CNNM1: variants seen among roughly 807,000 people sequenced by gnomAD.
CNNM1 encodes the protein cyclin and CBS domain divalent metal cation transport mediator 1.
A neutral mutation model predicts 78.8 loss-of-function variants in CNNM1; 44 were observed. The observed-to-expected ratio is 0.56, with a 90% CI of 0.44 to 0.72. CNNM1 has a LOEUF of 0.72. Ranked by LOEUF, CNNM1 falls within the 30% of genes least tolerant of loss-of-function variation. The pLI is 0.00. For synonymous variants in CNNM1, 584 were observed against 581.5 expected (o/e 1.00, Z -0.06); for missense variants, 1,101 against 1,292.2 (o/e 0.85, Z 2.27).
intron 1 of CNNM1, among the ~76,000 whole-genome samples, chr10:99,337,435 G>T (rs2134015748): frequency 6.6e-6 from 1 of 152,294 alleles, no homozygotes; most frequent in East Asian, 1.9e-4. Context: ...TGAACTCTGT[G>T]GTGCACTGTG....
Position 99,380,014 on chromosome 10 carries a change from ACT to A in CNNM1, c.2340+2803_2340+2804del, listed in dbSNP as rs1359465951. Among the ~76,000 whole-genome samples the A allele has an allele frequency of 2.2e-5, 3 of 136,578 alleles. No homozygotes were observed. The Admixed American group carries it at 2.4e-4, about 11-fold the overall frequency. 89.6% of individuals were successfully genotyped at this position (136,578 alleles called of 152,430 possible). A position where few individuals can be genotyped will look rare whatever the true frequency, so the allele number is the denominator to read the frequency against. On this transcript the variant is annotated intron_variant, in intron 7 of 10. Coordinates refer to ENST00000356713, the MANE Select transcript of CNNM1 (RefSeq NM_020348.3). ...GGTGGAGAGCAAAGAAAGGAAGTAA[ACT>A]CTCTCTTTTTTTTTTTTTTTTTTTT...
intron 1 of CNNM1, among the ~76,000 whole-genome samples, chr10:99,335,856 C>T (rs1195145449): frequency 6.6e-6 from 1 of 152,218 alleles, no homozygotes; most frequent in Non-Finnish European, 1.5e-5. Flanking sequence ...TGCCTTCTCT[C>T]CATGGCCTTT....
intron 7 of CNNM1, among the ~76,000 whole-genome samples, chr10:99,382,611 T>A (rs1385399049): frequency 6.6e-6 from 1 of 151,974 alleles, no homozygotes; most frequent in South Asian, 2.1e-4. Context: ...AAAAATAAAT[T>A]TTTAAATTAG....
intron 1 of CNNM1, among the ~76,000 whole-genome samples, chr10:99,332,657 T>C (rs576161999): frequency 6.6e-6 from 1 of 152,290 alleles, no homozygotes; most frequent in Non-Finnish European, 1.5e-5. Flanking sequence ...CCTGCCACAA[T>C]TTTTGAAATC....
At chr10:99,332,679 T>C (rs888228349) in intron 1 of CNNM1, among the ~76,000 whole-genome samples, 2 of 152,184 alleles carry the variant, frequency 1.3e-5, no homozygotes, top group African/African-American at 4.8e-5. Flanking sequence ...TATTAAATAT[T>C]AAAATGTAGC....
Position 99,364,502 on chromosome 10 carries a change from C to A in CNNM1, c.2114C>A (p.Thr705Asn). 1 of 1,610,752 alleles carries A rather than the reference C, an allele frequency of 6.2e-7. No homozygotes were observed. Among genetic ancestry groups the A allele is most frequent in the South Asian group, 1.1e-5 (1 of 90,136 alleles). ...TACTATGGCGTCCCAGCCATCATGACCACTGCTTGCTCAGGTATTCTAGTT... is the reference window on the plus strand; with the variant it reads ...TACTATGGCGTCCCAGCCATCATGAACACTGCTTGCTCAGGTATTCTAGTT... ...FTYYGVPAIM[T>N]TACSDNDVRK... Residue 705 changes from threonine (T) to asparagine (N), a missense_variant, in exon 5 of 11, where the codon ACC (threonine) becomes AAC (asparagine). By Grantham distance (65) the Thr-to-Asn change is moderately conservative (BLOSUM62 0). Around this residue, in one of 3 missense-constraint regions of CNNM1, gnomAD observed 348 missense variants for 384.5 expected, o/e 0.90. Coordinates refer to ENST00000356713, the MANE Select transcript of CNNM1 (RefSeq NM_020348.3).
chr10:99,370,383 A>T, intron 6 of CNNM1, among the ~76,000 whole-genome samples: 1 of 152,180 alleles, frequency 6.6e-6, no homozygotes. Flanking sequence ...ACAGTGGGAG[A>T]AAACCAGAGG....
chr10:99,389,416 CAAAA>C (rs56180037), intron 9 of CNNM1, among the ~76,000 whole-genome samples: 101 of 83,990 alleles, frequency 1.2e-3, no homozygotes, highest in African/African-American at 4.0e-3. Flanking sequence ...GATTCCATCT[CAAAA>C]AAAAAAAAAA....
chr10:99,377,130 G>A lies in CNNM1; in HGVS notation c.2252G>A (p.Gly751Asp), dbSNP rs201102570. The A allele has an allele frequency of 3.3e-5, 53 of 1,611,598 alleles. No individual in the cohort carries two copies. Among genetic ancestry groups the A allele is most frequent in the Admixed American group, 1.3e-4 (8 of 59,678 alleles). ...SPNRERSDFG[G>D]SNTQLYSSSN... is the part of the protein sequence containing the mutation. ...AACCGAGAGCGCAGTGACTTTGGGG[G>A]CAGCAACACCCAGCTGTACAGCAGC... The change falls in exon 7 of 11, where the codon GGC (glycine) becomes GAC (aspartate). Residue 751 changes from glycine (G) to aspartate (D), a missense_variant. By Grantham distance (94) the Gly-to-Asp change is moderately conservative. This residue lies in a region of CNNM1 where 348 missense variants were observed against 384.5 expected (regional missense o/e 0.90). Transcript: ENST00000356713.
chr10:99,368,873 G>A (rs779407916), intron 6 of CNNM1, among the ~76,000 whole-genome samples: 37 of 152,188 alleles, frequency 2.4e-4, no homozygotes, highest in Non-Finnish European at 5.3e-4. Flanking sequence ...GGTGTCATTT[G>A]TGAGTTTACC....
intron 1 of CNNM1, among the ~76,000 whole-genome samples, chr10:99,348,322 G>A (rs2030797613): frequency 6.6e-6 from 1 of 152,086 alleles, no homozygotes; most frequent in African/African-American, 2.4e-5. Flanking sequence ...TTGGGATAAT[G>A]GGCTTAAGCC....
intron 6 of CNNM1, among the ~76,000 whole-genome samples, chr10:99,373,263 A>G (rs1048161459): frequency 1.3e-5 from 2 of 152,180 alleles, no homozygotes; most frequent in Non-Finnish European, 2.9e-5. Flanking sequence ...ATGTCTGGCC[A>G]GGCAAAGTGG....
intron 7 of CNNM1, among the ~76,000 whole-genome samples, chr10:99,380,679 T>C (rs1378960600): frequency 6.6e-6 from 1 of 151,724 alleles, no homozygotes; most frequent in African/African-American, 2.4e-5. Flanking sequence ...TAATCCCAGC[T>C]ACTCGGGAGG....
chr10:99,359,069 C>G lies in CNNM1; in HGVS notation c.1717+1414C>G, dbSNP rs551066133. Among the ~76,000 whole-genome samples the G allele has an allele frequency of 4.9e-3, 690 of 141,446 alleles. 3 individuals carry two copies. The highest frequency in any genetic ancestry group is 7.4e-3 in the Non-Finnish European group (490 of 65,944). The allele number at this position is 141,446 out of a possible 152,430, so 92.8% of individuals were successfully genotyped here. On this transcript the variant is annotated intron_variant, in intron 2 of 10. Coordinates refer to ENST00000356713, the MANE Select transcript of CNNM1 (RefSeq NM_020348.3). ...GGTGTCTCAGATAAACTAGTGAAGC[C>G]ATTCACACTAAGGTGTTAGGTACTG...
In CNNM1 at chr10:99,329,644, C is replaced by G. The variant is rs759052277; in HGVS notation, c.257C>G (p.Pro86Arg). 12 of 1,534,358 alleles carry G rather than the reference C, an allele frequency of 7.8e-6. 1 individual carries two copies. In the Admixed American group the frequency reaches 2.3e-4, roughly 29 times the overall value. ...FQPGPPATAA[P>R]VPSPTLNSGE... ...CCAGGACCGCCGGCCACCGCCGCACCGGTGCCCTCACCGACCCTCAACTCG... is the reference window on the plus strand; with the variant it reads ...CCAGGACCGCCGGCCACCGCCGCACGGGTGCCCTCACCGACCCTCAACTCG... Residue 86 changes from proline to arginine, a missense_variant, in exon 1 of 11, where the codon CCG becomes CGG. Around this residue, in one of 3 missense-constraint regions of CNNM1, gnomAD observed 476 missense variants for 484.5 expected, o/e 0.98. Coordinates refer to ENST00000356713, the MANE Select transcript of CNNM1 (RefSeq NM_020348.3).
intron 6 of CNNM1, among the ~76,000 whole-genome samples, chr10:99,374,904 G>A (rs1193809562): frequency 6.6e-6 from 1 of 152,206 alleles, no homozygotes; most frequent in African/African-American, 2.4e-5. Context: ...ACTTGTGAAA[G>A]TGCTTTGAAA....
At chr10:99,370,804 A>G (rs1419005529) in intron 6 of CNNM1, among the ~76,000 whole-genome samples, 6 of 152,244 alleles carry the variant, frequency 3.9e-5, no homozygotes, top group Admixed American at 1.3e-4. Flanking sequence ...ATTTACATAT[A>G]TGCTAAATCT....
At chr10:99,363,887 G>A (rs989741135) in intron 4 of CNNM1, among the ~76,000 whole-genome samples, 1 of 151,894 alleles carries the variant, frequency 6.6e-6, no homozygotes, top group Non-Finnish European at 1.5e-5. Flanking sequence ...TAGGACTACA[G>A]GCATGCACCA....
At chr10:99,386,109 G>A (rs2032295490) in intron 7 of CNNM1, among the ~76,000 whole-genome samples, 1 of 152,178 alleles carries the variant, frequency 6.6e-6, no homozygotes, top group Non-Finnish European at 1.5e-5. Context: ...GTGGAGACCT[G>A]TGGTTCCATG....
Sources: allele counts gnomAD v4.1 joint callset (sites outside exome capture counted in the v4.1 genomes callset), GRCh38; gene constraint gnomAD v4.1.1; regional missense constraint gnomAD v4.1.1; transcripts MANE v1.5; gene names NCBI Gene and HGNC (gene_info 2026-07-23, HGNC 2026-07-21).